TNFRSF21: variants seen among roughly 807,000 people sequenced by gnomAD.
TNFRSF21 encodes tumor necrosis factor receptor superfamily member 21.
TNFRSF21 carries 19 observed loss-of-function variants against 45.6 expected under a neutral mutation model. The ratio of observed to expected loss-of-function variants is 0.42; its 90% CI spans 0.29 to 0.61. The LOEUF is 0.61. TNFRSF21 is among the 20% of genes least tolerant of loss of function. The probability of loss-of-function intolerance (pLI) is 0.23; values close to 1 mark genes in which losing one functional copy is unlikely to be tolerated. For missense variants in TNFRSF21, 737 were observed against 851.5 expected (o/e 0.87, Z 1.67); for synonymous variants, 314 against 335.5 (o/e 0.94, Z 0.70).
At chr6:47,243,285 T>G (rs1381972349) in intron 4 of TNFRSF21, among the ~76,000 whole-genome samples, 3 of 152,222 alleles carry the variant, frequency 2.0e-5, no homozygotes, top group African/African-American at 7.2e-5. Context: ...AGAGACAGTC[T>G]ATACTTATAC....
rs553418393 is a variant in TNFRSF21 at position 47,231,797 on chromosome 6, C to G, written c.*968G>C. 6.5e-6 allele frequency: 1 copy of G among 152,708 alleles called. No homozygotes were observed. The highest frequency in any genetic ancestry group is 1.9e-4 in the East Asian group (1 of 5,188). The allele number at this position is 152,708 out of a possible 1,614,324, so 9.5% of individuals were successfully genotyped here. A position where few individuals can be genotyped will look rare whatever the true frequency, so the allele number is the denominator to read the frequency against. On this transcript the variant is annotated 3_prime_UTR_variant, in exon 6 of 6. Coordinates refer to ENST00000296861, the MANE Select transcript of TNFRSF21 (RefSeq NM_014452.5). ...CCCACCAGGACCAAGGCCTTGAGAG[C>G]AGATTGGACCTATTGATTATGTGTA...
chr6:47,257,424 G>A (rs999523021), intron 3 of TNFRSF21, among the ~76,000 whole-genome samples: 3 of 152,162 alleles, frequency 2.0e-5, no homozygotes, highest in African/African-American at 7.2e-5. Context: ...CTCTCCCACC[G>A]TGGAGTTGAT....
In TNFRSF21 at chr6:47,232,854, G is replaced by A. The variant is rs1764608661; in HGVS notation, c.1879C>T (p.Arg627Trp). 4 of 1,614,128 alleles carry A rather than the reference G, an allele frequency of 2.5e-6. No individual in the cohort carries two copies. The highest frequency in any genetic ancestry group is 1.1e-5 in the South Asian group (1 of 91,078). The change falls in exon 6 of 6, where the codon CGG (arginine) becomes TGG (tryptophan). Residue 627 changes from arginine to tryptophan, a missense_variant. Coordinates refer to ENST00000296861, the MANE Select transcript of TNFRSF21 (RefSeq NM_014452.5). ...EIPQAEDKLD[R>W]LFEIIGVKSQ... ...TTGACTCCAATAATTTCGAATAGCC[G>A]GTCTAGTTTGTCCTCAGCCTGGGGA...
At chr6:47,267,265 AT>A (rs1762347113) in intron 3 of TNFRSF21, among the ~76,000 whole-genome samples, 2 of 151,588 alleles carry the variant, frequency 1.3e-5, no homozygotes, top group Admixed American at 1.3e-4. Flanking sequence ...CGCCCAGCTA[AT>A]TTTTGTATTT....
intron 1 of TNFRSF21, among the ~76,000 whole-genome samples, chr6:47,291,687 C>T (rs1370144893): frequency 6.6e-6 from 1 of 152,244 alleles, no homozygotes; most frequent in Non-Finnish European, 1.5e-5. Flanking sequence ...CAAGCATCTC[C>T]ACTTTACCAA....
intron 1 of TNFRSF21, among the ~76,000 whole-genome samples, chr6:47,287,798 G>A (rs1460774540): frequency 2.0e-5 from 3 of 152,104 alleles, no homozygotes; most frequent in African/African-American, 4.8e-5. Context: ...GGACAAAAAC[G>A]TAAAACTTCA....
chr6:47,262,362 T>C (rs536860699), intron 3 of TNFRSF21, among the ~76,000 whole-genome samples: 33 of 152,312 alleles, frequency 2.2e-4, no homozygotes, highest in African/African-American at 7.9e-4. Context: ...TTTGAAGCTA[T>C]CTCAAATGTC....
At chr6:47,300,613 C>T (rs1428998387) in intron 1 of TNFRSF21, among the ~76,000 whole-genome samples, 2 of 152,172 alleles carry the variant, frequency 1.3e-5, no homozygotes, top group South Asian at 2.1e-4. Context: ...GATATGGCCC[C>T]TGCCTGCCTT....
intron 4 of TNFRSF21, among the ~76,000 whole-genome samples, chr6:47,248,525 A>T (rs1764854155): frequency 6.6e-6 from 1 of 152,218 alleles, no homozygotes; most frequent in Non-Finnish European, 1.5e-5. Flanking sequence ...CATAAGGAAA[A>T]CCAGAAATTC....
intron 1 of TNFRSF21, among the ~76,000 whole-genome samples, chr6:47,297,668 G>A (rs545168191): frequency 2.5e-4 from 38 of 152,152 alleles, no homozygotes; most frequent in African/African-American, 5.3e-4. Context: ...GATTACAGGC[G>A]TGTGCCACCA....
At chr6:47,304,323 G>A (rs779494896) in intron 1 of TNFRSF21, among the ~76,000 whole-genome samples, 47 of 151,806 alleles carry the variant, frequency 3.1e-4, no homozygotes, top group Non-Finnish European at 6.6e-4. Flanking sequence ...TTTATTTAAG[G>A]CAATTAGAGT....
chr6:47,255,163 G>T (rs1025130387), intron 3 of TNFRSF21, among the ~76,000 whole-genome samples: 2 of 152,150 alleles, frequency 1.3e-5, no homozygotes, highest in African/African-American at 4.8e-5. Flanking sequence ...GTGCATCTGT[G>T]GTCCCCAGAT....
intron 1 of TNFRSF21, among the ~76,000 whole-genome samples, chr6:47,298,905 T>C (rs893212120): frequency 1.3e-5 from 2 of 152,170 alleles, no homozygotes; most frequent in African/African-American, 4.8e-5. Context: ...CTGCCAGAAA[T>C]GGTGACTTAG....
At position 47,298,284 on chromosome 6, in the gene TNFRSF21, T is replaced by TTA. The variant is rs1762817762; in HGVS notation, c.96+11131_96+11132insTA. 5.4e-5 allele frequency among the ~76,000 whole-genome samples: 4 copies of TTA among 74,408 alleles called. No homozygotes were observed. The South Asian group carries it at 1.6e-3, about 30-fold the overall frequency. The allele number at this position is 74,408 out of a possible 152,430, so 48.8% of individuals were successfully genotyped here. A position where few individuals can be genotyped will look rare whatever the true frequency, so the allele number is the denominator to read the frequency against. ...GGCAGACCCTGTCACTACAAAAAAT[T>TTA]AAAAAAAAAAAAAAAAAAAAAAGGA... On this transcript the variant is annotated intron_variant, in intron 1 of 5. Transcript: ENST00000296861.
Position 47,232,628 on chromosome 6 carries a change from C to CACACACACAT in TNFRSF21, c.*136_*137insATGTGTGTGT, listed in dbSNP as rs1764602037. The CACACACACAT allele has an allele frequency of 4.4e-6, 1 of 229,258 alleles. No individual in the cohort carries two copies. Among genetic ancestry groups the CACACACACAT allele is most frequent in the South Asian group, 5.7e-5 (1 of 17,666 alleles). The allele number at this position is 229,258 out of a possible 1,614,324, so 14.2% of individuals were successfully genotyped here. A position where few individuals can be genotyped will look rare whatever the true frequency, so the allele number is the denominator to read the frequency against. ...CACTGGCCATATTCTCTGTTAAACA[C>CACACACACAT]ACACACACACACACACACACACACA... On this transcript the variant is annotated 3_prime_UTR_variant, in exon 6 of 6. Transcript: ENST00000296861.
At chr6:47,242,424 T>A (rs1182353523) in intron 4 of TNFRSF21, among the ~76,000 whole-genome samples, 2 of 152,310 alleles carry the variant, frequency 1.3e-5, no homozygotes, top group East Asian at 3.9e-4. Context: ...AGAATTCTCA[T>A]CATTTCTAAG....
intron 3 of TNFRSF21, among the ~76,000 whole-genome samples, chr6:47,258,913 A>G (rs1344210871): frequency 2.0e-5 from 3 of 152,202 alleles, no homozygotes; most frequent in Non-Finnish European, 2.9e-5. Flanking sequence ...CACCAACACC[A>G]CAAATGAATG....
Position 47,309,745 on chromosome 6 carries a change from G to A in TNFRSF21, c.-234C>T. ...CGCCCAGGCGGGGAGAAGCCGCCGC[G>A]ACTGCAGCCCGCGTCTCCGGGTGCT... On this transcript the variant is annotated 5_prime_UTR_variant, in exon 1 of 6. Transcript: ENST00000296861. The A allele has an allele frequency of 4.4e-6, 2 of 458,012 alleles. No homozygotes were observed. Among genetic ancestry groups the A allele is most frequent in the Non-Finnish European group, 7.3e-6 (2 of 275,446 alleles). 28.4% of individuals were successfully genotyped at this position (458,012 alleles called of 1,614,324 possible).
rs185970952 is a variant in TNFRSF21, at chr6:47,259,489, C to T, written c.1244-5968G>A. 5.3e-5 allele frequency among the ~76,000 whole-genome samples: 8 copies of T among 152,222 alleles called. No individual in the cohort carries two copies. The East Asian group carries it at 1.5e-3, about 29-fold the overall frequency. On this transcript the variant is annotated intron_variant, in intron 3 of 5. Coordinates refer to ENST00000296861, the MANE Select transcript of TNFRSF21 (RefSeq NM_014452.5). ...TCCTGGGTTCAAGAGATTCTCCGGC[C>T]TCAGGCTCCCGAGTAGCTAGAACTA...
Sources: gnomAD v4.1 joint callset for allele counts (sites outside exome capture counted in the v4.1 genomes callset) on GRCh38, gnomAD v4.1.1 for gene constraint, MANE v1.5 for transcripts, NCBI Gene and HGNC (gene_info 2026-07-23, HGNC 2026-07-21) for gene names.